IQCM: variants seen among roughly 807,000 people sequenced by gnomAD.
The protein encoded by IQCM is IQ motif containing M, also known as IQ domain-containing protein M.
A neutral mutation model predicts 57.6 loss-of-function variants in IQCM; 45 were observed. That is an observed-to-expected ratio of 0.78 (90% CI 0.62 to 1.00). The LOEUF (loss-of-function observed/expected upper bound fraction) is 1.00. Ranked by LOEUF, IQCM falls within the 50% of genes least tolerant of loss-of-function variation. The pLI is 0.00. For synonymous variants in IQCM, 148 were observed against 158.9 expected (o/e 0.93, Z 0.51); for missense variants, 468 against 511.6 (o/e 0.91, Z 0.82).
intron 9 of IQCM, among the ~76,000 whole-genome samples, chr4:149,577,206 C>T (rs181817188): frequency 6.6e-6 from 1 of 151,870 alleles, no homozygotes; most frequent in African/African-American, 2.4e-5. Context: ...CTGATAATTT[C>T]TTTTGTGTGC....
At chr4:149,776,689 A>C (rs12643108) in intron 2 of IQCM, among the ~76,000 whole-genome samples, 21,585 of 152,188 alleles carry the variant, frequency 0.14, 1,706 homozygotes, top group East Asian at 0.33. Context: ...ACTTACAAAA[A>C]ATAGTTAAAA....
chr4:149,384,725 T>C (rs1288512459), intron 13 of IQCM, among the ~76,000 whole-genome samples: 2 of 151,916 alleles, frequency 1.3e-5, no homozygotes, highest in African/African-American at 4.8e-5. Flanking sequence ...CAATAACATA[T>C]GTATGCCTTT....
intron 5 of IQCM, among the ~76,000 whole-genome samples, chr4:149,695,763 C>T (rs1763288465): frequency 1.3e-5 from 2 of 152,024 alleles, no homozygotes; most frequent in African/African-American, 4.8e-5. Flanking sequence ...AGAATTCATA[C>T]CTGAAGAGGC....
chr4:149,733,319 G>T lies in IQCM; in HGVS notation c.310C>A (p.Gln104Lys), dbSNP rs909515373. The change falls in exon 5 of 14, where the codon CAA (glutamine) becomes AAA (lysine). Residue 104 changes from glutamine (Q) to lysine (K), a missense_variant. Transcript: ENST00000636793. ...TGTGGTTCCTTGAAGGAGATTCGTT[G>T]TGGGGGTTCCTGAAGATGCTCGCTT... is the stretch of plus-strand genomic sequence containing the variant. ...SKSEHLQEPP[Q>K]RISFKEPHIF... 4.1e-6 allele frequency: 5 copies of T among 1,230,968 alleles called. No homozygotes were observed. The highest frequency in any genetic ancestry group is 5.1e-6 in the Non-Finnish European group (5 of 987,732). The allele number at this position is 1,230,968 out of a possible 1,614,324, so 76.3% of individuals were successfully genotyped here. A position where few individuals can be genotyped will look rare whatever the true frequency, so the allele number is the denominator to read the frequency against.
At chr4:149,596,943 T>G (rs958782015) in intron 8 of IQCM, among the ~76,000 whole-genome samples, 2 of 152,086 alleles carry the variant, frequency 1.3e-5, no homozygotes, top group Admixed American at 1.3e-4. Flanking sequence ...GGAAATTCAG[T>G]AAACATGAGA....
At chr4:149,355,778 C>A (rs1172750404) in intron 13 of IQCM, among the ~76,000 whole-genome samples, 1 of 152,054 alleles carries the variant, frequency 6.6e-6, no homozygotes. Context: ...ATGGCTGGGT[C>A]AAATGGTATT....
intron 2 of IQCM, among the ~76,000 whole-genome samples, chr4:149,752,181 T>C (rs747576411): frequency 1.3e-5 from 2 of 151,170 alleles, no homozygotes; most frequent in Non-Finnish European, 2.9e-5. Flanking sequence ...TACATCTTTC[T>C]AGAAAAAAAA....
chr4:149,759,910 G>C (rs190182026), intron 2 of IQCM, among the ~76,000 whole-genome samples: 2 of 151,840 alleles, frequency 1.3e-5, no homozygotes, highest in Admixed American at 6.6e-5. Context: ...AAAATGAATA[G>C]AAAACAACTG....
At chr4:149,507,823 T>C (rs183462015) in intron 12 of IQCM, among the ~76,000 whole-genome samples, 4 of 152,192 alleles carry the variant, frequency 2.6e-5, no homozygotes, top group African/African-American at 9.6e-5. Context: ...GGAGAAAATG[T>C]CTCCAGGGCA....
At chr4:149,757,591 T>C (rs1222614356) in intron 2 of IQCM, among the ~76,000 whole-genome samples, 1 of 151,962 alleles carries the variant, frequency 6.6e-6, no homozygotes, top group Non-Finnish European at 1.5e-5. Context: ...GATAAATAGG[T>C]ATGCCAAATT....
At chr4:149,575,689 G>A (rs1751566974) in intron 9 of IQCM, among the ~76,000 whole-genome samples, 1 of 151,750 alleles carries the variant, frequency 6.6e-6, no homozygotes, top group African/African-American at 2.4e-5. Context: ...ATCAAAGGAT[G>A]GAGATTGATA....
At chr4:149,356,752 T>A (rs1011897946) in intron 13 of IQCM, among the ~76,000 whole-genome samples, 1 of 152,164 alleles carries the variant, frequency 6.6e-6, no homozygotes, top group Non-Finnish European at 1.5e-5. Context: ...CCATATGAAC[T>A]TTAAAGTAGT....
At chr4:149,539,188 G>T (rs1747600006) in intron 12 of IQCM, among the ~76,000 whole-genome samples, 1 of 152,082 alleles carries the variant, frequency 6.6e-6, no homozygotes, top group Non-Finnish European at 1.5e-5. Flanking sequence ...TAAACAAAAT[G>T]TGGCATATTT....
In IQCM at chr4:149,636,617, A is replaced by T. The variant is rs938649024; in HGVS notation, c.566-15373T>A. Among the ~76,000 whole-genome samples, 98 of 152,248 alleles carry T rather than the reference A, an allele frequency of 6.4e-4. 1 individual carries two copies. The highest frequency in any genetic ancestry group is 6.5e-4 in the Admixed American group (10 of 15,286). ...ACTGATAGCAGGCAATTATTTTTTT[A>T]AATATTTTTTATTTTTAAATCTTGC... On this transcript the variant is annotated intron_variant, in intron 7 of 13. Coordinates refer to ENST00000636793, the MANE Select transcript of IQCM (RefSeq NM_001363507.2).
At chr4:149,719,163 G>A (rs13137320) in intron 5 of IQCM, among the ~76,000 whole-genome samples, 1,858 of 151,970 alleles carry the variant, frequency 0.012, 24 homozygotes, top group Middle Eastern at 0.037. Context: ...TGGCCAACAC[G>A]GTGAAATCCC....
At chr4:149,358,346 G>A (rs988097356) in intron 13 of IQCM, among the ~76,000 whole-genome samples, 2 of 151,982 alleles carry the variant, frequency 1.3e-5, no homozygotes, top group South Asian at 4.1e-4. Context: ...TTAGGGTGTC[G>A]ATTTTAGATC....
intron 5 of IQCM, chr4:149,690,757 T>C (rs909529585): frequency 6.6e-6 from 1 of 152,102 alleles, no homozygotes; most frequent in African/African-American, 2.4e-5. Flanking sequence ...AGGTATTGGT[T>C]AGCATTCCTT....
At chr4:149,768,882 C>T (rs1770298846) in intron 2 of IQCM, among the ~76,000 whole-genome samples, 1 of 151,878 alleles carries the variant, frequency 6.6e-6, no homozygotes, top group Non-Finnish European at 1.5e-5. Context: ...TTATGTAACT[C>T]GTTAACCAGG....
intron 12 of IQCM, among the ~76,000 whole-genome samples, chr4:149,492,374 T>C (rs1236194892): frequency 6.6e-6 from 1 of 152,042 alleles, no homozygotes; most frequent in Non-Finnish European, 1.5e-5. Flanking sequence ...CTAGCACCAA[T>C]AGGATGAATG....
Sources: gnomAD v4.1 joint callset for allele counts (sites outside exome capture counted in the v4.1 genomes callset) on GRCh38, gnomAD v4.1.1 for gene constraint, MANE v1.5 for transcripts, NCBI Gene and HGNC (gene_info 2026-07-23, HGNC 2026-07-21) for gene names.